MYO5C: variants seen among roughly 807,000 people sequenced by gnomAD.
MYO5C encodes the protein unconventional myosin-Vc.
In MYO5C, 194 loss-of-function variants were observed where a neutral mutation model predicts 235.7. The observed-to-expected ratio is 0.82, with a 90% CI of 0.73 to 0.93. MYO5C has a LOEUF of 0.93. Ranked by LOEUF, MYO5C falls within the 40% of genes least tolerant of loss-of-function variation. MYO5C has a pLI of 0.00. For missense variants in MYO5C, 2,038 were observed against 2,127.2 expected (o/e 0.96, Z 0.82); for synonymous variants, 707 against 754.8 (o/e 0.94, Z 1.04).
At position 52,282,864 on chromosome 15, in the gene MYO5C, T is replaced by C. The variant is rs1407059543; in HGVS notation, c.56A>G (p.Glu19Gly). The C allele has an allele frequency of 6.2e-7, 1 of 1,613,866 alleles. No homozygotes were observed. The highest frequency in any genetic ancestry group is 8.5e-7 in the Non-Finnish European group (1 of 1,179,842). The change falls in exon 2 of 41, where the codon GAA (glutamate) becomes GGA (glycine). Residue 19 changes from glutamate (E) to glycine (G), a missense_variant. By Grantham distance (98) the Glu-to-Gly change is moderately conservative. Coordinates refer to ENST00000261839, the MANE Select transcript of MYO5C (RefSeq NM_018728.4). ...TATTTCAGCAGACTTCCAAACTTCT[T>C]CAGGATCGGGAATCCAGACCCTGTT... The part of the protein sequence containing the change: ...QYNRVWIPDP[E>G]EVWKSAEIAK...
At chr15:52,244,185 GAGAGACGGACCTTT>G (rs2036286518) in intron 19 of MYO5C, among the ~76,000 whole-genome samples, 157 bp downstream of exon 19, 1 of 152,068 alleles carries the variant, frequency 6.6e-6, no homozygotes, top group South Asian at 2.1e-4. Context: ...ACCTGCCCCT[GAGAGACGGACCTTT>G]CTTGCCCTAA....
At chr15:52,283,336 T>C (rs951706667) in intron 1 of MYO5C, among the ~76,000 whole-genome samples, 2 of 152,238 alleles carry the variant, frequency 1.3e-5, no homozygotes, top group African/African-American at 4.8e-5. Context: ...GAGGTTAAAT[T>C]AGACTTTGTA....
chr15:52,262,365 TAAG>T (rs2036716282), intron 9 of MYO5C, among the ~76,000 whole-genome samples: 1 of 152,178 alleles, frequency 6.6e-6, no homozygotes, highest in Non-Finnish European at 1.5e-5. Flanking sequence ...GCTACCTTAA[TAAG>T]AAGCTTCACG....
chr15:52,245,537 TACCTGCC>T, intron 17 of MYO5C, 72 bp from the exon 18 acceptor site: 1 of 1,015,720 alleles, frequency 9.8e-7, no homozygotes, highest in Non-Finnish European at 1.6e-6. Context: ...TCCGCTGCCT[TACCTGCC>T]ACTGTTGTCA....
rs748009346 is a variant in MYO5C at position 52,279,608 on chromosome 15, C to T, written c.205G>A (p.Glu69Lys). The T allele has an allele frequency of 1.4e-5, 22 of 1,614,012 alleles. No homozygotes were observed. Among genetic ancestry groups the T allele is most frequent in the Non-Finnish European group, 1.8e-5 (21 of 1,179,892 alleles). Reference sequence around the variant, plus strand: ...TAGCTGAGAGCCGTGAGGTCATTCTCGCCCACGAGGATGTCAGGATTCCGA... The same window carrying T: ...TAGCTGAGAGCCGTGAGGTCATTCTTGCCCACGAGGATGTCAGGATTCCGA... ...PLRNPDILVGENDLTALSYLH... is the reference protein window; with the variant it reads ...PLRNPDILVGKNDLTALSYLH... The change falls in exon 3 of 41, where the codon GAG (glutamate) becomes AAG (lysine). Residue 69 changes from glutamate (E) to lysine (K), a missense_variant. Physicochemically the swap from Glu to Lys is moderately conservative, Grantham distance 56. Coordinates refer to ENST00000261839, the MANE Select transcript of MYO5C (RefSeq NM_018728.4).
At chr15:52,282,378 C>A (rs2037177719) in intron 2 of MYO5C, among the ~76,000 whole-genome samples, 1 of 152,206 alleles carries the variant, frequency 6.6e-6, no homozygotes, top group South Asian at 2.1e-4. Flanking sequence ...TTTTCTCTAC[C>A]AGCGTATGCC....
At chr15:52,253,546 T>C in intron 11 of MYO5C, 89 bp from the exon 12 acceptor site, 1 of 1,183,570 alleles carries the variant, frequency 8.4e-7, no homozygotes, top group Non-Finnish European at 1.2e-6. Context: ...AAAATGTAAA[T>C]GGTTGATCTG....
In MYO5C at chr15:52,194,007, G is replaced by T. The variant is rs754489244; in HGVS notation, c.5124C>A (p.Thr1708=). The T allele has an allele frequency of 6.2e-7, 1 of 1,613,656 alleles. No individual in the cohort carries two copies. Among genetic ancestry groups the T allele is most frequent in the Admixed American group, 1.7e-5 (1 of 59,944 alleles). ...REDSSQLMLD[T]KYLFQVTFPF... ...GAAATGTGACTTGAAAGAGATATTT[G>T]GTATCCAACATCAGCTGTGATGAAT... Residue 1708 remains threonine, a synonymous_variant, in exon 41 of 41, where the codon ACC becomes ACA. Transcript: ENST00000261839.
chr15:52,273,281 C>G (rs1002270807), intron 5 of MYO5C, among the ~76,000 whole-genome samples: 3 of 152,202 alleles, frequency 2.0e-5, no homozygotes, highest in Admixed American at 1.3e-4. Context: ...TATGATTGCA[C>G]CACCGCACTC....
At chr15:52,221,642 T>C (rs2035690413) in intron 29 of MYO5C, among the ~76,000 whole-genome samples, 2 of 152,220 alleles carry the variant, frequency 1.3e-5, no homozygotes, top group African/African-American at 4.8e-5. Context: ...CCACTGCTAC[T>C]TTTGAATTCA....
rs372336184 is a variant in MYO5C, at chr15:52,232,234, A to G, written c.3026+388T>C. ...AAAGAAAGAAAATGAAAGAAAGAAG[A>G]AAGAAAGAAGGAAGGAGAGAAGGAA... On this transcript the variant is annotated intron_variant, in intron 24 of 40. Transcript: ENST00000261839. Among the ~76,000 whole-genome samples, 74 of 61,002 alleles carry G rather than the reference A, an allele frequency of 1.2e-3. 10 individuals carry two copies. Among genetic ancestry groups the G allele is most frequent in the African/African-American group, 2.9e-3 (69 of 23,938 alleles). The allele number at this position is 61,002 out of a possible 152,430, so 40.0% of individuals were successfully genotyped here. A position where few individuals can be genotyped will look rare whatever the true frequency, so the allele number is the denominator to read the frequency against.
chr15:52,280,975 C>A (rs2037151519), intron 2 of MYO5C, among the ~76,000 whole-genome samples: 1 of 152,208 alleles, frequency 6.6e-6, no homozygotes, highest in African/African-American at 2.4e-5. Flanking sequence ...GATGCTCAGG[C>A]CAGCTCCTGC....
chr15:52,287,808 C>T lies in MYO5C; in HGVS notation c.28-4916G>A, dbSNP rs187837174. ...CCTGACCAACATGGAGAAACCCCGT[C>T]TCTACTAAAAATACAAAAGTAGCTG... On this transcript the variant is annotated intron_variant, in intron 1 of 40. Coordinates refer to ENST00000261839, the MANE Select transcript of MYO5C (RefSeq NM_018728.4). Among the ~76,000 whole-genome samples the T allele has an allele frequency of 3.0e-3, 449 of 152,200 alleles. 1 individual carries two copies. The highest frequency in any genetic ancestry group is 5.2e-3 in the Admixed American group (79 of 15,294).
chr15:52,203,241 C>T (rs145962834), intron 38 of MYO5C, among the ~76,000 whole-genome samples: 1 of 151,736 alleles, frequency 6.6e-6, no homozygotes, highest in South Asian at 2.1e-4. Context: ...TGTTTTGATA[C>T]AGGCATGCAA....
In MYO5C at chr15:52,195,385, T is replaced by C; in HGVS notation, c.5068A>G (p.Lys1690Glu). 6.2e-7 allele frequency: 1 copy of C among 1,611,326 alleles called. No individual in the cohort carries two copies. The change falls in exon 40 of 41, where the codon AAA (lysine) becomes GAA (glutamate). Residue 1690 changes from lysine to glutamate, a missense_variant. Transcript: ENST00000261839. Reference protein sequence around the residue: ...EKRVTPSFVRKVQALLNSRED... With the variant: ...EKRVTPSFVREVQALLNSRED... ...ATCCTTAAGAATCTCACCTGTACTT[T>C]GCGAACAAAGGATGGAGTCACTCTC...
intron 7 of MYO5C, among the ~76,000 whole-genome samples, chr15:52,270,599 C>T (rs1251604170): frequency 6.6e-6 from 1 of 150,736 alleles, no homozygotes; most frequent in African/African-American, 2.4e-5. Context: ...TGTATATATA[C>T]ACACACATTT....
At chr15:52,244,306 C>T (rs1279466024) in intron 19 of MYO5C, 50 bp downstream of exon 19, 15 of 1,569,412 alleles carry the variant, frequency 9.6e-6, no homozygotes, top group Admixed American at 1.7e-5. Context: ...CGGAGATGAT[C>T]AGCACAGAAA....
At chr15:52,217,068 A>G (rs2035571393) in intron 32 of MYO5C, among the ~76,000 whole-genome samples, 1 of 152,240 alleles carries the variant, frequency 6.6e-6, no homozygotes, top group Admixed American at 6.5e-5. Context: ...GTTGTTTTAA[A>G]GCACCTGGTT....
intron 25 of MYO5C, among the ~76,000 whole-genome samples, chr15:52,227,525 G>C (rs1385199799): frequency 6.6e-6 from 1 of 151,872 alleles, no homozygotes; most frequent in Non-Finnish European, 1.5e-5. Context: ...TCACATTGGA[G>C]AGTGAACCAG....
Sources: allele counts gnomAD v4.1 joint callset (sites outside exome capture counted in the v4.1 genomes callset), GRCh38; gene constraint gnomAD v4.1.1; transcripts MANE v1.5; gene names NCBI Gene and HGNC (gene_info 2026-07-23, HGNC 2026-07-21).